The following TBCD variants were observed in gnomAD, a reference collection of about 807,000 sequenced individuals.
The protein encoded by TBCD is tubulin folding cofactor D.
Under a neutral mutation model 169.3 loss-of-function variants are expected in TBCD, and 105 were observed. The observed-to-expected ratio is 0.62, with a 90% CI of 0.53 to 0.73. The LOEUF (loss-of-function observed/expected upper bound fraction) is 0.73. Among genes scored for constraint, TBCD ranks in the 30% least tolerant of loss-of-function variants. The pLI is 0.00. For synonymous variants in TBCD, 700 were observed against 643.9 expected, an observed-to-expected ratio of 1.09 and a Z score of -1.32; for missense variants, 1,444 against 1,600.1, an observed-to-expected ratio of 0.90 and a Z score of 1.66.
At chr17:82,752,494 C>T (rs1568080771) in intron 1 of TBCD, 117 bp downstream of exon 1, 3 of 827,750 alleles carry the variant, frequency 3.6e-6, no homozygotes, top group Non-Finnish European at 3.0e-6. Flanking sequence ...CGAGGGCTGC[C>T]GGTGCGCGGT....
chr17:82,927,756 G>A (rs2061875442), intron 29 of TBCD, 149 bp from the exon 30 acceptor site: 1 of 686,824 alleles, frequency 1.5e-6, no homozygotes, highest in South Asian at 1.7e-5. Context: ...AACCTCTGCA[G>A]GCCCCGTGAC....
intron 13 of TBCD, among the ~76,000 whole-genome samples, chr17:82,846,317 A>T (rs28450512): frequency 0.29 from 18,336 of 62,668 alleles, 2,247 homozygotes; most frequent in South Asian, 0.4. Flanking sequence ...TGCTGCGTCC[A>T]GCGTGCCGTG....
chr17:82,914,437 T>C (rs2060883463), intron 23 of TBCD, among the ~76,000 whole-genome samples: 1 of 152,234 alleles, frequency 6.6e-6, no homozygotes, highest in South Asian at 2.1e-4. Flanking sequence ...GAAGGGCATC[T>C]TTATGGGAGG....
chr17:82,852,886 A>G (rs952516015), intron 13 of TBCD, among the ~76,000 whole-genome samples: 3 of 152,144 alleles, frequency 2.0e-5, no homozygotes, highest in African/African-American at 4.8e-5. Context: ...GGCTTGGAGC[A>G]TAGGACTGTT....
intron 2 of TBCD, among the ~76,000 whole-genome samples, chr17:82,758,416 TA>T (rs1164664050): frequency 1.2e-5 from 1 of 85,336 alleles, no homozygotes; most frequent in Non-Finnish European, 2.5e-5. Flanking sequence ...AATAAATAAA[TA>T]AATTTTTTTT....
At chr17:82,758,400 A>AAAAAAAAAAAAAAAAAAAAAAAAAAAT (rs1035939621) in intron 2 of TBCD, among the ~76,000 whole-genome samples, 9 of 100,030 alleles carry the variant, frequency 9.0e-5, no homozygotes, top group Middle Eastern at 5.2e-3. Context: ...AAAAAAAAAA[A>AAAAAAAAAAAAAAAAAAAAAAAAAAAT]AAATAAATAA....
rs2063516886 is a variant in TBCD, at chr17:82,944,203, T to C, written c.*1740T>C. 1 of 151,892 alleles carries C rather than the reference T, an allele frequency of 6.6e-6. No homozygotes were observed. The highest frequency in any genetic ancestry group is 1.5e-5 in the Non-Finnish European group (1 of 67,942). 9.4% of individuals were successfully genotyped at this position (151,892 alleles called of 1,614,324 possible). A position where few individuals can be genotyped will look rare whatever the true frequency, so the allele number is the denominator to read the frequency against. On this transcript the variant is annotated 3_prime_UTR_variant, in exon 39 of 39. Coordinates refer to ENST00000355528, the MANE Select transcript of TBCD (RefSeq NM_005993.5). Reference sequence around the variant, plus strand: ...TCAGTGACACTATGTGGCAAAGCAGTTCTTCTTTTAATGTCGGTCTAACTT... The same window carrying C: ...TCAGTGACACTATGTGGCAAAGCAGCTCTTCTTTTAATGTCGGTCTAACTT...
intron 13 of TBCD, among the ~76,000 whole-genome samples, chr17:82,860,115 G>T (rs1477742434): frequency 1.3e-5 from 2 of 152,252 alleles, no homozygotes; most frequent in Non-Finnish European, 2.9e-5. Context: ...AGTCATGGCA[G>T]AACTGGCCCC....
rs1209530928 is a variant in TBCD, at chr17:82,887,160, T to TGCGC, written c.1534-2507_1534-2506insCGCG. 6.8e-3 allele frequency among the ~76,000 whole-genome samples: 746 copies of TGCGC among 109,044 alleles called. 8 individuals carry two copies. The highest frequency in any genetic ancestry group is 0.031 in the African/African-American group (705 of 23,112). 71.5% of individuals were successfully genotyped at this position (109,044 alleles called of 152,430 possible). ...GTGTGTGTGTGTGTGTGTGTGTGTGTGTGTGTGTGCGCGCGCGCGCACGTG... is the reference window on the plus strand; with the variant it reads ...GTGTGTGTGTGTGTGTGTGTGTGTGTGCGCGTGTGTGTGCGCGCGCGCGCACGTG... On this transcript the variant is annotated intron_variant, in intron 15 of 38. Transcript: ENST00000355528.
In TBCD at chr17:82,766,320, A is replaced by C; in HGVS notation, c.387A>C (p.Val129=). The change falls in exon 4 of 39, where the codon GTA becomes GTC. Residue 129 remains valine (V), a synonymous_variant. Transcript: ENST00000355528. ...TATTTCCTCATGAAGTTGCCGATGTAGAGCCTGTTTTAGATTTGGTCACAA... is the reference window on the plus strand; with the variant it reads ...TATTTCCTCATGAAGTTGCCGATGTCGAGCCTGTTTTAGATTTGGTCACAA... The part of the protein sequence containing the change: ...LRLFPHEVAD[V]EPVLDLVTIQ... 6.2e-7 allele frequency: 1 copy of C among 1,613,470 alleles called. No individual in the cohort carries two copies. Among genetic ancestry groups the C allele is most frequent in the Non-Finnish European group, 8.5e-7 (1 of 1,179,694 alleles).
intron 13 of TBCD, among the ~76,000 whole-genome samples, chr17:82,822,027 G>T (rs1355310589): frequency 6.6e-6 from 1 of 152,196 alleles, no homozygotes; most frequent in African/African-American, 2.4e-5. Flanking sequence ...AGCGTCTTAC[G>T]ACGATGTTGC....
intron 12 of TBCD, 73 bp downstream of exon 12, chr17:82,809,855 T>A (rs2051298695): frequency 7.2e-7 from 1 of 1,393,194 alleles, no homozygotes; most frequent in Admixed American, 2.0e-5. Flanking sequence ...CTTATATCCT[T>A]TCACGCTTGC....
intron 19 of TBCD, 69 bp from the exon 20 acceptor site, chr17:82,905,867 G>C (rs561762206): frequency 7.8e-7 from 1 of 1,276,934 alleles, no homozygotes; most frequent in African/African-American, 1.5e-5. Context: ...GTGTGGGTGC[G>C]TGTGGGCTTC....
intron 9 of TBCD, 131 bp from the exon 10 acceptor site, chr17:82,805,744 C>T: frequency 9.2e-7 from 1 of 1,088,800 alleles, no homozygotes; most frequent in East Asian, 2.5e-5. Flanking sequence ...CCCTTCTTAT[C>T]CGGTCTCTGC....
At chr17:82,826,687 A>G (rs2052879012) in intron 13 of TBCD, among the ~76,000 whole-genome samples, 1 of 152,210 alleles carries the variant, frequency 6.6e-6, no homozygotes, top group South Asian at 2.1e-4. Context: ...AAGTGCTGGG[A>G]TTATGGGTGT....
chr17:82,945,814 G>C lies in TBCD; in HGVS notation c.*3351G>C, dbSNP rs1459547818. 1 of 152,204 alleles carries C rather than the reference G, an allele frequency of 6.6e-6. No individual in the cohort carries two copies. The highest frequency in any genetic ancestry group is 1.5e-5 in the Non-Finnish European group (1 of 68,042). The allele number at this position is 152,204 out of a possible 1,614,324, so 9.4% of individuals were successfully genotyped here. A position where few individuals can be genotyped will look rare whatever the true frequency, so the allele number is the denominator to read the frequency against. Reference sequence around the variant, plus strand: ...GGGGTGCCCCTGGTTGAGAACCACTGCTTTAGTGGATAAACTTTAGGCAGG... The same window carrying C: ...GGGGTGCCCCTGGTTGAGAACCACTCCTTTAGTGGATAAACTTTAGGCAGG... On this transcript the variant is annotated 3_prime_UTR_variant, in exon 39 of 39. Transcript: ENST00000355528.
chr17:82,876,910 C>T (rs2058017533), intron 14 of TBCD: 1 of 977,030 alleles, frequency 1.0e-6, no homozygotes, highest in African/African-American at 1.8e-5. Flanking sequence ...CTCCTGCTGT[C>T]AGCCGGTCTG....
chr17:82,899,287 C>T lies in TBCD; in HGVS notation c.1650-1364C>T, dbSNP rs528573652. On this transcript the variant is annotated intron_variant, in intron 17 of 38. Coordinates refer to ENST00000355528, the MANE Select transcript of TBCD (RefSeq NM_005993.5). ...TGCGTGTCCTCAGCGCGTGTGTCCT[C>T]AGTGCGTGTGTCCTCCGCTCACGTG... 2.3e-4 allele frequency among the ~76,000 whole-genome samples: 35 copies of T among 149,854 alleles called. No homozygotes were observed. In the South Asian group the frequency reaches 7.4e-3, roughly 32 times the overall value.
rs115864871 is a variant in TBCD, at chr17:82,761,104, C to T, written c.236-2861C>T. ...CCTCCTGAGTAGCTGGGATTACAGG[C>T]GCCACCTGTAAAATTAGCCTGGCCA... On this transcript the variant is annotated intron_variant, in intron 2 of 38. Coordinates refer to ENST00000355528, the MANE Select transcript of TBCD (RefSeq NM_005993.5). 1.3e-3 allele frequency among the ~76,000 whole-genome samples: 199 copies of T among 152,074 alleles called. 1 individual carries two copies. The highest frequency in any genetic ancestry group is 4.7e-3 in the African/African-American group (194 of 41,494).
Sources: allele counts gnomAD v4.1 joint callset (sites outside exome capture counted in the v4.1 genomes callset), GRCh38; gene constraint gnomAD v4.1.1; transcripts MANE v1.5; gene names NCBI Gene and HGNC (gene_info 2026-07-23, HGNC 2026-07-21).